EFL1: variants seen among roughly 807,000 people sequenced by gnomAD.
EFL1 encodes the protein elongation factor-like GTPase 1.
In EFL1, 76 loss-of-function variants were observed where a neutral mutation model predicts 126.7. That is an observed-to-expected ratio of 0.60 (90% CI 0.50 to 0.73). EFL1 has a LOEUF of 0.73. Ranked by LOEUF, EFL1 falls within the 30% of genes least tolerant of loss-of-function variation. The pLI is 0.00. For synonymous variants in EFL1, 410 were observed against 448.4 expected (o/e 0.91, Z 1.08); for missense variants, 1,128 against 1,343.2 (o/e 0.84, Z 2.50).
intron 15 of EFL1, among the ~76,000 whole-genome samples, chr15:82,199,492 A>C (rs543924352): frequency 6.6e-6 from 1 of 152,360 alleles, no homozygotes; most frequent in African/African-American, 2.4e-5. Flanking sequence ...AAGACCTTGT[A>C]TGAAAATGGA....
rs555421565 is a variant in EFL1 at position 82,235,879 on chromosome 15, T to C, written c.731+2428A>G. On this transcript the variant is annotated intron_variant, in intron 7 of 19. Coordinates refer to ENST00000268206, the MANE Select transcript of EFL1 (RefSeq NM_024580.6). ...AGCAAAAGAGAAAACAGCATGCAGA[T>C]AGAAAAGGAAAAAAATACAACAACC... 9.9e-5 allele frequency among the ~76,000 whole-genome samples: 15 copies of C among 151,948 alleles called. 1 individual carries two copies. In the South Asian group the frequency reaches 2.1e-3, roughly 21 times the overall value.
chr15:82,150,027 A>T (rs1340265534), intron 18 of EFL1, among the ~76,000 whole-genome samples: 2 of 152,244 alleles, frequency 1.3e-5, no homozygotes, highest in Non-Finnish European at 2.9e-5. Flanking sequence ...ATCTGAGAAT[A>T]GTCTAGATTG....
intron 15 of EFL1, among the ~76,000 whole-genome samples, chr15:82,193,056 A>C (rs1392532911): frequency 6.6e-6 from 1 of 152,230 alleles, no homozygotes; most frequent in East Asian, 1.9e-4. Context: ...TTTGAAATTC[A>C]AATGAGTGAA....
chr15:82,227,617 C>T, intron 10 of EFL1, 45 bp from the exon 11 acceptor site: 1 of 1,612,628 alleles, frequency 6.2e-7, no homozygotes, highest in Non-Finnish European at 8.5e-7. Flanking sequence ...CCAGTGCCTC[C>T]CACCAAGGCG....
In EFL1 at chr15:82,149,401, G is replaced by GA. The variant is rs995558746; in HGVS notation, c.2989+2063dup. On this transcript the variant is annotated intron_variant, in intron 18 of 19. Coordinates refer to ENST00000268206, the MANE Select transcript of EFL1 (RefSeq NM_024580.6). ...GAGTGGGAAAACATAACTTTGTTTT[G>GA]AAAAAAAAGAAATAGGGTTGATCTT... is the stretch of plus-strand genomic sequence containing the variant. Among the ~76,000 whole-genome samples the GA allele has an allele frequency of 4.0e-5, 6 of 151,536 alleles. No homozygotes were observed. The South Asian group carries it at 6.3e-4, about 16-fold the overall frequency.
intron 18 of EFL1, among the ~76,000 whole-genome samples, chr15:82,139,175 T>C (rs1470949610): frequency 6.6e-6 from 1 of 152,160 alleles, no homozygotes; most frequent in Non-Finnish European, 1.5e-5. Flanking sequence ...TGAAATCCAA[T>C]GAGATGAGTG....
At chr15:82,149,305 G>A (rs2073883182) in intron 18 of EFL1, among the ~76,000 whole-genome samples, 1 of 151,966 alleles carries the variant, frequency 6.6e-6, no homozygotes, top group South Asian at 2.1e-4. Context: ...AAATATAGGA[G>A]TTCATACAAC....
At chr15:82,147,667 C>G (rs1010898226) in intron 18 of EFL1, among the ~76,000 whole-genome samples, 1 of 140,348 alleles carries the variant, frequency 7.1e-6, no homozygotes, top group African/African-American at 2.7e-5. Context: ...GTTTCAAACA[C>G]ATAGAGGGAC....
chr15:82,235,637 A>G (rs2074865307), intron 7 of EFL1, among the ~76,000 whole-genome samples: 1 of 152,198 alleles, frequency 6.6e-6, no homozygotes, highest in Non-Finnish European at 1.5e-5. Flanking sequence ...GTATGTGACA[A>G]AACTTGACAC....
intron 3 of EFL1, among the ~76,000 whole-genome samples, chr15:82,255,275 G>A (rs564202571): frequency 6.6e-6 from 1 of 152,214 alleles, no homozygotes; most frequent in East Asian, 1.9e-4. Flanking sequence ...CCTTTTGTAA[G>A]TTTTTTACTG....
intron 15 of EFL1, among the ~76,000 whole-genome samples, chr15:82,164,554 G>C (rs1248779943): frequency 6.6e-6 from 1 of 152,146 alleles, no homozygotes; most frequent in Non-Finnish European, 1.5e-5. Context: ...AGACTCTGAA[G>C]GTTGCATATT....
chr15:82,189,196 A>G (rs2074332776), intron 15 of EFL1, among the ~76,000 whole-genome samples: 1 of 152,188 alleles, frequency 6.6e-6, no homozygotes. Flanking sequence ...GTATCTAAAC[A>G]CAGAAAAGTT....
intron 11 of EFL1, among the ~76,000 whole-genome samples, chr15:82,227,001 G>A (rs2074770657): frequency 6.6e-6 from 1 of 152,234 alleles, no homozygotes; most frequent in African/African-American, 2.4e-5. Flanking sequence ...GACAGATCTA[G>A]TCCTGTGAAG....
At chr15:82,259,507 A>G (rs2075094797) in intron 2 of EFL1, among the ~76,000 whole-genome samples, 1 of 152,222 alleles carries the variant, frequency 6.6e-6, no homozygotes, top group African/African-American at 2.4e-5. Context: ...TTACTTATCA[A>G]AGAAATTCAG....
intron 15 of EFL1, among the ~76,000 whole-genome samples, chr15:82,180,169 T>C (rs2074234699): frequency 6.6e-6 from 1 of 151,918 alleles, no homozygotes; most frequent in African/African-American, 2.4e-5. Context: ...TTTTCTCTAA[T>C]CTCTTAACTC....
At chr15:82,180,875 C>G (rs946582817) in intron 15 of EFL1, among the ~76,000 whole-genome samples, 1 of 151,972 alleles carries the variant, frequency 6.6e-6, no homozygotes, top group Non-Finnish European at 1.5e-5. Context: ...ACTACAAGCT[C>G]AGGCTACTAT....
chr15:82,138,424 G>GTGT lies in EFL1; in HGVS notation c.3174+233_3174+234insACA, dbSNP rs1348318052. The stretch of plus-strand genomic sequence containing the variant: ...AGGACAAATGAGAGAGAGAGAGAGA[G>GTGT]AGTGTATGTGTGTGTGTGTGTGTGT... On this transcript the variant is annotated intron_variant, in intron 19 of 19. Coordinates refer to ENST00000268206, the MANE Select transcript of EFL1 (RefSeq NM_024580.6). Among the ~76,000 whole-genome samples, 752 of 112,134 alleles carry GTGT rather than the reference G, an allele frequency of 6.7e-3. 17 individuals are homozygous for GTGT. Among genetic ancestry groups the GTGT allele is most frequent in the Admixed American group, 0.057 (577 of 10,074 alleles). The allele number at this position is 112,134 out of a possible 152,430, so 73.6% of individuals were successfully genotyped here.
chr15:82,252,237 T>C (rs1031047228), intron 4 of EFL1, among the ~76,000 whole-genome samples: 1 of 152,260 alleles, frequency 6.6e-6, no homozygotes, highest in Non-Finnish European at 1.5e-5. Flanking sequence ...ATGTATCTCA[T>C]ATACTTACAT....
chr15:82,204,903 C>G (rs947202559), intron 15 of EFL1, among the ~76,000 whole-genome samples: 10 of 152,172 alleles, frequency 6.6e-5, no homozygotes, highest in African/African-American at 2.4e-4. Context: ...GATCTGCAGT[C>G]TATTCATTAT....
Sources: gnomAD v4.1 joint callset for allele counts (sites outside exome capture counted in the v4.1 genomes callset) on GRCh38, gnomAD v4.1.1 for gene constraint, MANE v1.5 for transcripts, NCBI Gene and HGNC (gene_info 2026-07-23, HGNC 2026-07-21) for gene names.